Variants in SHISA9 observed in about 807,000 individuals in gnomAD.
SHISA9 encodes the protein protein shisa-9.
SHISA9 carries 13 observed loss-of-function variants against 38.0 expected under a neutral mutation model. The observed-to-expected ratio is 0.34, with a 90% CI of 0.22 to 0.54. The LOEUF (loss-of-function observed/expected upper bound fraction) is 0.54, where lower values mean the gene tolerates loss of function less well. Among genes scored for constraint, SHISA9 ranks in the 20% least tolerant of loss-of-function variants. SHISA9 has a pLI of 0.91. For synonymous variants in SHISA9, 275 were observed against 242.0 expected (o/e 1.14, Z -1.27); for missense variants, 538 against 575.8 (o/e 0.93, Z 0.67).
chr16:13,200,100 A>T (rs1314224299), intron 2 of SHISA9, among the ~76,000 whole-genome samples: 1 of 152,048 alleles, frequency 6.6e-6, no homozygotes, highest in Admixed American at 6.6e-5. Context: ...ATTCAATACG[A>T]TTTACCAGAA....
the SHISA9 span, among the ~76,000 whole-genome samples, chr16:13,295,431 C>CA: frequency 6.6e-6 from 1 of 152,118 alleles, no homozygotes; most frequent in African/African-American, 2.4e-5. Context: ...AATCAATTCT[C>CA]AAAATTTTGA....
intron 2 of SHISA9, among the ~76,000 whole-genome samples, chr16:13,182,188 G>T (rs2050784613): frequency 6.6e-6 from 1 of 152,148 alleles, no homozygotes; most frequent in Non-Finnish European, 1.5e-5. Context: ...GTTCATTTTT[G>T]CCAGATAGTT....
At chr16:13,433,230 C>A in the SHISA9 span, among the ~76,000 whole-genome samples, 2 of 152,164 alleles carry the variant, frequency 1.3e-5, no homozygotes, top group African/African-American at 4.8e-5. Context: ...ACACAGGAGG[C>A]AATAAGCCTC....
intron 2 of SHISA9, among the ~76,000 whole-genome samples, chr16:12,987,374 G>C (rs756608088): frequency 1.3e-5 from 2 of 152,134 alleles, no homozygotes; most frequent in Non-Finnish European, 2.9e-5. Context: ...ACTGGACAAA[G>C]AAAATGTGAT....
chr16:12,937,832 A>G (rs1428720202), intron 2 of SHISA9, among the ~76,000 whole-genome samples: 1 of 152,210 alleles, frequency 6.6e-6, no homozygotes, highest in East Asian at 1.9e-4. Flanking sequence ...GGGCACACAA[A>G]CATTCAGTCC....
chr16:13,088,778 A>G (rs549089591), intron 2 of SHISA9, among the ~76,000 whole-genome samples: 2 of 152,228 alleles, frequency 1.3e-5, no homozygotes, highest in African/African-American at 4.8e-5. Flanking sequence ...TGACTTCTTC[A>G]TTTCCTAATT....
At chr16:13,385,999 G>C in the SHISA9 span, among the ~76,000 whole-genome samples, 1 of 152,168 alleles carries the variant, frequency 6.6e-6, no homozygotes, top group African/African-American at 2.4e-5. Flanking sequence ...CAAGAGGGAA[G>C]TGTGTGTGAG....
chr16:13,475,239 T>C, the SHISA9 span, among the ~76,000 whole-genome samples: 1 of 151,794 alleles, frequency 6.6e-6, no homozygotes, highest in Admixed American at 6.6e-5. Flanking sequence ...TTACAGGCGA[T>C]GAGAAAAAGG....
At chr16:13,400,790 C>T in the SHISA9 span, among the ~76,000 whole-genome samples, 2 of 152,202 alleles carry the variant, frequency 1.3e-5, no homozygotes, top group Non-Finnish European at 2.9e-5. Context: ...TGCTGCAGGA[C>T]ACAGCTTAGG....
chr16:13,525,635 CTAAAA>C, the SHISA9 span, among the ~76,000 whole-genome samples: 3 of 152,094 alleles, frequency 2.0e-5, no homozygotes, highest in South Asian at 2.1e-4. Context: ...AACTAATTCA[CTAAAA>C]TAAGTGGGAA....
chr16:13,250,607 A>G, the SHISA9 span, among the ~76,000 whole-genome samples: 1 of 151,986 alleles, frequency 6.6e-6, no homozygotes, highest in East Asian at 1.9e-4. Flanking sequence ...ATTTCTTATC[A>G]CCCCAACCCC....
the SHISA9 span, among the ~76,000 whole-genome samples, chr16:13,356,941 G>A: frequency 1.3e-5 from 2 of 152,240 alleles, no homozygotes; most frequent in Non-Finnish European, 2.9e-5. Flanking sequence ...CAGAAGAAAA[G>A]GCATTTAGGT....
intron 2 of SHISA9, among the ~76,000 whole-genome samples, chr16:13,110,543 C>G (rs13334159): frequency 1.3e-5 from 2 of 152,126 alleles, no homozygotes; most frequent in Non-Finnish European, 2.9e-5. Flanking sequence ...TTTTCAGCCT[C>G]AATGACTGCT....
intron 4 of SHISA9, among the ~76,000 whole-genome samples, chr16:13,232,643 A>G (rs2051342657): frequency 6.6e-6 from 1 of 152,246 alleles, no homozygotes. Flanking sequence ...AATCAAATAC[A>G]TTTGAGAAAT....
chr16:13,251,345 C>G, the SHISA9 span, among the ~76,000 whole-genome samples: 1 of 152,192 alleles, frequency 6.6e-6, no homozygotes, highest in Non-Finnish European at 1.5e-5. Flanking sequence ...TTACTCCAGT[C>G]ATTGCCATGA....
At chr16:13,031,016 G>C (rs370364406) in intron 2 of SHISA9, among the ~76,000 whole-genome samples, 28 of 152,328 alleles carry the variant, frequency 1.8e-4, no homozygotes, top group African/African-American at 6.7e-4. Flanking sequence ...GCAAGGCTTA[G>C]AAGCCTGAGC....
At chr16:12,986,026 G>A (rs1368896929) in intron 2 of SHISA9, among the ~76,000 whole-genome samples, 2 of 152,120 alleles carry the variant, frequency 1.3e-5, no homozygotes, top group Admixed American at 6.5e-5. Context: ...ACCATCTGTG[G>A]GACTTCGATT....
intron 2 of SHISA9, among the ~76,000 whole-genome samples, chr16:12,960,555 G>A (rs1385775823): frequency 6.6e-6 from 1 of 152,092 alleles, no homozygotes; most frequent in Non-Finnish European, 1.5e-5. Flanking sequence ...AGAAAATGTG[G>A]TACATATACA....
chr16:13,521,223 A>G, the SHISA9 span, among the ~76,000 whole-genome samples: 4 of 152,224 alleles, frequency 2.6e-5, no homozygotes, highest in African/African-American at 9.6e-5. Flanking sequence ...GGTGCAGAGC[A>G]TGTGAGCTTT....
Sources: gnomAD v4.1 joint callset for allele counts (sites outside exome capture counted in the v4.1 genomes callset) on GRCh38, gnomAD v4.1.1 for gene constraint, MANE v1.5 for transcripts, NCBI Gene and HGNC (gene_info 2026-07-23, HGNC 2026-07-21) for gene names.